Variants in SAMD5 observed in about 807,000 individuals in gnomAD.
SAMD5 encodes the protein sterile alpha motif domain containing 5.
SAMD5 carries 13 observed loss-of-function variants against 11.3 expected under a neutral mutation model. That is an observed-to-expected ratio of 1.15 (90% confidence interval 0.75 to 1.83). SAMD5 has a LOEUF of 1.83. Ranked by LOEUF, SAMD5 falls within the 40% of genes most tolerant of loss-of-function variation. The pLI is 0.00. For synonymous variants in SAMD5, 129 were observed against 111.3 expected, an observed-to-expected ratio of 1.16 and a Z score of -1.00; for missense variants, 255 against 239.1, an observed-to-expected ratio of 1.07 and a Z score of -0.44.
the SAMD5 span, among the ~76,000 whole-genome samples, chr6:147,904,448 A>C: frequency 6.6e-6 from 1 of 152,226 alleles, no homozygotes; most frequent in Admixed American, 6.5e-5. Flanking sequence ...TTCATGGAAC[A>C]CAGCCTCTGT....
the SAMD5 span, among the ~76,000 whole-genome samples, chr6:147,937,369 C>A: frequency 1.3e-5 from 2 of 152,162 alleles, no homozygotes; most frequent in South Asian, 4.1e-4. Context: ...ACAGCACAAG[C>A]CTAACCATTC....
At chr6:147,696,526 G>A (rs1791179594) in intron 1 of SAMD5, among the ~76,000 whole-genome samples, 1 of 152,156 alleles carries the variant, frequency 6.6e-6, no homozygotes, top group Non-Finnish European at 1.5e-5. Context: ...TGTTACCCGT[G>A]TGCACTCTGC....
chr6:147,593,399 C>A (rs143409043), intron 1 of SAMD5, among the ~76,000 whole-genome samples: 138 of 152,112 alleles, frequency 9.1e-4, no homozygotes, highest in African/African-American at 3.1e-3. Flanking sequence ...GGGTGAGAAA[C>A]CTACTTTAGA....
chr6:147,569,481 T>C lies in SAMD5; in HGVS notation c.*5025T>C. 1 of 910,392 alleles carries C rather than the reference T, an allele frequency of 1.1e-6. No individual in the cohort carries two copies. Among genetic ancestry groups the C allele is most frequent in the Non-Finnish European group, 1.3e-6 (1 of 761,552 alleles). 56.4% of individuals were successfully genotyped at this position (910,392 alleles called of 1,614,324 possible). The stretch of plus-strand genomic sequence containing the variant: ...AAATAAATCTACAATAAATCTACTT[T>C]CTAAATATTATTTAAGATGGGAAAT... On this transcript the variant is annotated 3_prime_UTR_variant, in exon 2 of 2. Coordinates refer to ENST00000367474, the MANE Select transcript of SAMD5 (RefSeq NM_001030060.3).
chr6:147,919,279 C>A, the SAMD5 span, among the ~76,000 whole-genome samples: 1 of 152,166 alleles, frequency 6.6e-6, no homozygotes, highest in Non-Finnish European at 1.5e-5. Flanking sequence ...ATGGGGGAAC[C>A]AGGCTACCAC....
rs12206489 is a variant in SAMD5 at position 147,620,587 on chromosome 6, T to C, written c.162+111200T>C. On this transcript the variant is annotated intron_variant, in intron 1 of 1. Transcript: ENST00000566741. ...TAAATGCCATAAGAGCCATAAGATA[T>C]ATTACAGAGGGAGAAAACACTTCTA... Among the ~76,000 whole-genome samples the C allele has an allele frequency of 9.6e-3, 1,468 of 152,274 alleles. 19 individuals are homozygous for C. The highest frequency in any genetic ancestry group is 0.016 in the Non-Finnish European group (1,118 of 68,026).
At chr6:147,816,281 CAAAAAA>C in the SAMD5 span, among the ~76,000 whole-genome samples, 9 of 27,840 alleles carry the variant, frequency 3.2e-4, no homozygotes, top group African/African-American at 1.4e-3. Context: ...ACTCCGTCTC[CAAAAAA>C]AAAAAAAAAA....
At chr6:147,548,279 T>G (rs1788716765) in intron 1 of SAMD5, among the ~76,000 whole-genome samples, 1 of 152,176 alleles carries the variant, frequency 6.6e-6, no homozygotes, top group African/African-American at 2.4e-5. Context: ...TATGAATGGT[T>G]TAATAGTTTT....
the SAMD5 span, among the ~76,000 whole-genome samples, chr6:147,816,999 G>T: frequency 7.8e-3 from 1,186 of 152,232 alleles, 18 homozygotes; most frequent in Middle Eastern, 0.041. Context: ...ATCTGATCAG[G>T]TTAAAAAGAG....
At chr6:147,944,989 G>C in the SAMD5 span, among the ~76,000 whole-genome samples, 1 of 152,142 alleles carries the variant, frequency 6.6e-6, no homozygotes, top group African/African-American at 2.4e-5. Flanking sequence ...CCGCAACTGA[G>C]ATATAGTCCC....
In SAMD5 at chr6:147,509,009, C is replaced by A. The variant is rs1442866432; in HGVS notation, c.81C>A (p.Tyr27Ter). The change falls in exon 1 of 2, where the codon TAC becomes TAA. Residue 27 changes from tyrosine (Y) to a stop codon, truncating the protein, a stop_gained. Coordinates refer to ENST00000367474, the MANE Select transcript of SAMD5 (RefSeq NM_001030060.3). LOFTEE classifies it high-confidence loss of function. ...CGGAGTCCTTCGTGGATAACGGCTA[C>A]GATGACCTGGAGGTGTGCAAGCAGA... The part of the protein sequence containing the change: ...QYAESFVDNG[Y>*]DDLEVCKQIG... 1 of 1,606,112 alleles carries A rather than the reference C, an allele frequency of 6.2e-7. No homozygotes were observed. The highest frequency in any genetic ancestry group is 1.3e-5 in the African/African-American group (1 of 74,602).
chr6:147,765,604 T>A, the SAMD5 span, among the ~76,000 whole-genome samples: 13 of 152,296 alleles, frequency 8.5e-5, no homozygotes, highest in Non-Finnish European at 1.9e-4. Flanking sequence ...CAGAAGAAAT[T>A]TCCACCTAGC....
chr6:147,799,835 A>G, the SAMD5 span, among the ~76,000 whole-genome samples: 2 of 151,946 alleles, frequency 1.3e-5, no homozygotes, highest in Admixed American at 6.6e-5. Flanking sequence ...TCCACTGCTG[A>G]TACCCTTTCT....
intron 1 of SAMD5, among the ~76,000 whole-genome samples, chr6:147,632,741 G>A (rs1372570802): frequency 3.3e-5 from 5 of 152,172 alleles, no homozygotes; most frequent in Non-Finnish European, 7.4e-5. Flanking sequence ...AATGTCTAAT[G>A]TTCTTCTTAA....
the SAMD5 span, among the ~76,000 whole-genome samples, chr6:147,799,589 G>T: frequency 1.3e-5 from 2 of 151,742 alleles, no homozygotes; most frequent in Non-Finnish European, 2.9e-5. Context: ...GGCGTTCTCT[G>T]TATTTCCTGA....
chr6:147,652,933 C>A (rs760063190), intron 1 of SAMD5, among the ~76,000 whole-genome samples: 3 of 152,090 alleles, frequency 2.0e-5, no homozygotes, highest in Non-Finnish European at 2.9e-5. Context: ...GCATTGAGAA[C>A]CCCCAGAATT....
At chr6:147,657,775 T>A (rs1233681135) in intron 1 of SAMD5, among the ~76,000 whole-genome samples, 1 of 152,174 alleles carries the variant, frequency 6.6e-6, no homozygotes, top group Non-Finnish European at 1.5e-5. Context: ...AAGTTTCTTT[T>A]ATATGGGCAT....
chr6:147,714,219 T>A (rs759071822), intron 1 of SAMD5, among the ~76,000 whole-genome samples: 1 of 152,208 alleles, frequency 6.6e-6, no homozygotes, highest in Non-Finnish European at 1.5e-5. Context: ...TCTGCTTTTT[T>A]ATTACTGAAG....
intron 1 of SAMD5, among the ~76,000 whole-genome samples, chr6:147,697,092 T>G (rs1016543145): frequency 6.6e-6 from 1 of 152,206 alleles, no homozygotes; most frequent in Non-Finnish European, 1.5e-5. Context: ...GAGGTCCCTT[T>G]TGGGAGGGCG....
Sources: allele counts gnomAD v4.1 joint callset (sites outside exome capture counted in the v4.1 genomes callset), GRCh38; gene constraint gnomAD v4.1.1; transcripts MANE v1.5; gene names NCBI Gene and HGNC (gene_info 2026-07-23, HGNC 2026-07-21).